The following PLCB1 variants were observed in gnomAD, a reference collection of about 807,000 sequenced individuals.
PLCB1 encodes phospholipase C beta 1.
A neutral mutation model predicts 161.8 loss-of-function variants in PLCB1; 46 were observed. The ratio of observed to expected loss-of-function variants is 0.28; its 90% CI spans 0.22 to 0.36. The LOEUF (loss-of-function observed/expected upper bound fraction) is 0.36, where lower values mean the gene tolerates loss of function less well. Among genes scored for constraint, PLCB1 ranks in the 10% least tolerant of loss-of-function variants. The pLI is 1.00. For synonymous variants in PLCB1, 517 were observed against 503.7 expected (o/e 1.03, Z -0.35); for missense variants, 1,016 against 1,472.5 (o/e 0.69, Z 5.07).
intron 3 of PLCB1, among the ~76,000 whole-genome samples, chr20:8,509,400 T>C (rs1983777786): frequency 6.6e-6 from 1 of 152,232 alleles, no homozygotes; most frequent in Admixed American, 6.5e-5. Flanking sequence ...GATTATTAAA[T>C]ATATTTTCCA....
At chr20:8,694,488 T>G (rs1248316403) in intron 10 of PLCB1, among the ~76,000 whole-genome samples, 2 of 152,188 alleles carry the variant, frequency 1.3e-5, no homozygotes, top group East Asian at 3.8e-4. Context: ...TTACCATGGT[T>G]TTCAAAACAT....
intron 12 of PLCB1, among the ~76,000 whole-genome samples, chr20:8,715,095 C>T (rs1273314370): frequency 6.6e-6 from 1 of 152,108 alleles, no homozygotes; most frequent in Admixed American, 6.5e-5. Context: ...CACAGTCCTG[C>T]TAAAATGTAT....
intron 9 of PLCB1, among the ~76,000 whole-genome samples, chr20:8,684,228 A>ATTT (rs1990298084): frequency 2.4e-5 from 3 of 122,668 alleles, no homozygotes; most frequent in Admixed American, 1.8e-4. Context: ...ACCACTTGTA[A>ATTT]ATTATTTATT....
At chr20:8,533,146 G>A (rs1568496466) in intron 3 of PLCB1, among the ~76,000 whole-genome samples, 2 of 151,978 alleles carry the variant, frequency 1.3e-5, no homozygotes, top group Non-Finnish European at 2.9e-5. Flanking sequence ...AGTTTACTGA[G>A]AATGATGATT....
rs76812068 is a variant in PLCB1, at chr20:8,792,258, G to A, written c.3423+1997G>A. On this transcript the variant is annotated intron_variant, in intron 31 of 31. Coordinates refer to ENST00000338037, the MANE Select transcript of PLCB1 (RefSeq NM_015192.4). ...TGGTGTTTCCTCATTGGGTACAATGGCCTCATATTCCCATTCTTAAACCAA... is the reference window on the plus strand; with the variant it reads ...TGGTGTTTCCTCATTGGGTACAATGACCTCATATTCCCATTCTTAAACCAA... The A allele has an allele frequency of 3.2e-4, 63 of 195,796 alleles. No homozygotes were observed. In the East Asian group the frequency reaches 6.6e-3, roughly 21 times the overall value. The allele number at this position is 195,796 out of a possible 1,614,324, so 12.1% of individuals were successfully genotyped here.
Position 8,648,377 on chromosome 20 carries a change from G to A in PLCB1, c.518+424G>A, listed in dbSNP as rs570021099. 2.0e-5 allele frequency among the ~76,000 whole-genome samples: 3 copies of A among 149,912 alleles called. No homozygotes were observed. In the South Asian group the frequency reaches 6.2e-4, roughly 31 times the overall value. ...GGAATGTAAATGATGAAACAGGTCA[G>A]GAGGAGGAGGAAAAACTAAAGAGCA... On this transcript the variant is annotated intron_variant, in intron 6 of 31. Transcript: ENST00000338037.
chr20:8,660,975 A>G (rs1228192242), intron 9 of PLCB1, among the ~76,000 whole-genome samples: 2 of 152,168 alleles, frequency 1.3e-5, no homozygotes, highest in South Asian at 2.1e-4. Flanking sequence ...AAAATTAAGG[A>G]CAGAAGAATT....
intron 3 of PLCB1, among the ~76,000 whole-genome samples, chr20:8,560,339 G>T (rs187578571): frequency 1.4e-4 from 22 of 152,052 alleles, no homozygotes; most frequent in African/African-American, 5.3e-4. Flanking sequence ...GACTTAAATT[G>T]CTTGGGAGTT....
chr20:8,717,014 T>C (rs187893531), intron 13 of PLCB1, among the ~76,000 whole-genome samples: 115 of 152,332 alleles, frequency 7.5e-4, no homozygotes, highest in African/African-American at 2.6e-3. Context: ...CTTGCACACA[T>C]GCTCTCTGAT....
At chr20:8,880,283 A>T (rs1053163049) in intron 31 of PLCB1, among the ~76,000 whole-genome samples, 3 of 152,124 alleles carry the variant, frequency 2.0e-5, no homozygotes, top group African/African-American at 7.2e-5. Context: ...AGCACAGCAC[A>T]GCTCCCTACC....
chr20:8,608,000 A>G (rs972986453), intron 3 of PLCB1, among the ~76,000 whole-genome samples: 6 of 152,146 alleles, frequency 3.9e-5, no homozygotes, highest in African/African-American at 1.4e-4. Context: ...CACCATATAT[A>G]TATACAATTT....
chr20:8,294,122 A>G (rs987092314), intron 2 of PLCB1, among the ~76,000 whole-genome samples: 1 of 152,156 alleles, frequency 6.6e-6, no homozygotes, highest in East Asian at 1.9e-4. Flanking sequence ...TCTTTAGAGG[A>G]TGACCTAAAT....
intron 31 of PLCB1, among the ~76,000 whole-genome samples, chr20:8,805,112 T>A (rs116164512): frequency 1.1e-3 from 162 of 152,054 alleles, no homozygotes; most frequent in African/African-American, 3.8e-3. Flanking sequence ...CCAAGAGTAG[T>A]CATCACATAA....
At chr20:8,637,393 G>A (rs1397202805) in intron 4 of PLCB1, among the ~76,000 whole-genome samples, 1 of 152,100 alleles carries the variant, frequency 6.6e-6, no homozygotes, top group African/African-American at 2.4e-5. Context: ...GGAAATTAAG[G>A]AAGATATTAC....
At chr20:8,768,235 G>A (rs1224110191) in intron 26 of PLCB1, among the ~76,000 whole-genome samples, 2 of 152,140 alleles carry the variant, frequency 1.3e-5, no homozygotes, top group Admixed American at 6.5e-5. Flanking sequence ...TCTCTGAAAA[G>A]TCTAGGGGAA....
At chr20:8,636,155 G>T (rs1270440638) in intron 4 of PLCB1, among the ~76,000 whole-genome samples, 2 of 152,286 alleles carry the variant, frequency 1.3e-5, no homozygotes, top group East Asian at 1.9e-4. Flanking sequence ...AACTGTGCAT[G>T]ACTTCCTTGC....
At position 8,384,437 on chromosome 20, in the gene PLCB1, G is replaced by T. The variant is rs570755053; in HGVS notation, c.246+12987G>T. Among the ~76,000 whole-genome samples, 3 of 152,044 alleles carry T rather than the reference G, an allele frequency of 2.0e-5. No individual in the cohort carries two copies. The East Asian group carries it at 5.8e-4, about 30-fold the overall frequency. On this transcript the variant is annotated intron_variant, in intron 3 of 31. Coordinates refer to ENST00000338037, the MANE Select transcript of PLCB1 (RefSeq NM_015192.4). ...GCAGCTCCTCTAACCTTTTATCAAG[G>T]TTCTTAGCTTCTTTGCATTGGATTA...
At chr20:8,140,023 C>G (rs775774383) in intron 1 of PLCB1, among the ~76,000 whole-genome samples, 2 of 152,154 alleles carry the variant, frequency 1.3e-5, no homozygotes, top group Non-Finnish European at 2.9e-5. Flanking sequence ...AGAGGTGGGA[C>G]TTTCTGTAAT....
At chr20:8,400,450 T>A (rs2122470276) in intron 3 of PLCB1, among the ~76,000 whole-genome samples, 1 of 152,308 alleles carries the variant, frequency 6.6e-6, no homozygotes, top group African/African-American at 2.4e-5. Context: ...TGTTTTTAAA[T>A]TGTTTTTATT....
Sources: gnomAD v4.1 joint callset for allele counts (sites outside exome capture counted in the v4.1 genomes callset) on GRCh38, gnomAD v4.1.1 for gene constraint, MANE v1.5 for transcripts, NCBI Gene and HGNC (gene_info 2026-07-23, HGNC 2026-07-21) for gene names.